HSD17B12: variants seen among roughly 807,000 people sequenced by gnomAD.
HSD17B12 encodes the protein hydroxysteroid 17-beta dehydrogenase 12.
HSD17B12 carries 32 observed loss-of-function variants against 39.3 expected under a neutral mutation model. The ratio of observed to expected loss-of-function variants is 0.81; its 90% CI spans 0.61 to 1.09. The LOEUF is 1.09. Among genes scored for constraint, HSD17B12 ranks in the 50% least tolerant of loss-of-function variants. The pLI is 0.00. For missense variants in HSD17B12, 342 were observed against 382.9 expected (o/e 0.89, Z 0.89); for synonymous variants, 150 against 146.7 (o/e 1.02, Z -0.16).
the HSD17B12 span, among the ~76,000 whole-genome samples, chr11:43,630,571 G>T: frequency 6.6e-6 from 1 of 152,136 alleles, no homozygotes; most frequent in Admixed American, 6.5e-5. Context: ...GTCCAGCAGT[G>T]AGGTATCTTG....
chr11:43,839,169 A>G (rs1041768744), intron 8 of HSD17B12, among the ~76,000 whole-genome samples: 4 of 152,138 alleles, frequency 2.6e-5, no homozygotes, highest in African/African-American at 9.7e-5. Flanking sequence ...AGAACTTGAA[A>G]CATTTCAGGG....
chr11:43,772,189 T>C (rs756923981), intron 3 of HSD17B12, among the ~76,000 whole-genome samples: 106 of 152,206 alleles, frequency 7.0e-4, no homozygotes, highest in Non-Finnish European at 1.3e-3. Flanking sequence ...TGAGGAGACA[T>C]AAAGTACATT....
Position 43,807,076 on chromosome 11 carries a change from T to G in HSD17B12, c.392-8361T>G, listed in dbSNP as rs549725836. ...TATTAACAAAGATCAGACAAAATGT[T>G]AACTGTACAGTACCTTTTCTTTCCT... On this transcript the variant is annotated intron_variant, in intron 4 of 10. Transcript: ENST00000278353. 2.3e-4 allele frequency among the ~76,000 whole-genome samples: 35 copies of G among 152,282 alleles called. 1 individual carries two copies. Among genetic ancestry groups the G allele is most frequent in the African/African-American group, 8.4e-4 (35 of 41,566 alleles).
At chr11:43,825,456 C>T (rs1311439261) in intron 6 of HSD17B12, among the ~76,000 whole-genome samples, 1 of 152,130 alleles carries the variant, frequency 6.6e-6, no homozygotes, top group East Asian at 1.9e-4. Flanking sequence ...TTTGAAAATC[C>T]ATGAGAACAG....
chr11:43,627,832 G>A, the HSD17B12 span, among the ~76,000 whole-genome samples: 13 of 151,696 alleles, frequency 8.6e-5, no homozygotes, highest in South Asian at 2.1e-4. Context: ...ATATTGGTCC[G>A]GAAGTTTCTG....
chr11:43,572,778 G>C, the HSD17B12 span, among the ~76,000 whole-genome samples: 55 of 152,288 alleles, frequency 3.6e-4, no homozygotes, highest in East Asian at 8.7e-3. Context: ...AAAACTATTG[G>C]TTTCTTCTCT....
intron 9 of HSD17B12, among the ~76,000 whole-genome samples, chr11:43,848,015 A>T (rs1000894589): frequency 6.6e-6 from 1 of 152,310 alleles, no homozygotes; most frequent in East Asian, 1.9e-4. Context: ...GGCTTCAAAG[A>T]ACTAGAAAGC....
At chr11:43,578,904 A>G in the HSD17B12 span, 1 of 152,134 alleles carries the variant, frequency 6.6e-6, no homozygotes, top group Admixed American at 6.5e-5. Flanking sequence ...ATCCTATTAA[A>G]TAATTCAATG....
intron 3 of HSD17B12, among the ~76,000 whole-genome samples, chr11:43,776,006 C>CATT (rs1950699560): frequency 6.6e-6 from 1 of 151,572 alleles, no homozygotes; most frequent in Admixed American, 6.6e-5. Flanking sequence ...TCCAGTCTAT[C>CATT]GTTGGACATT....
At chr11:43,695,315 G>A (rs1590666774) in intron 1 of HSD17B12, among the ~76,000 whole-genome samples, 1 of 151,714 alleles carries the variant, frequency 6.6e-6, no homozygotes, top group South Asian at 2.1e-4. Flanking sequence ...GTGGTGGCTC[G>A]TACATGTAAT....
chr11:43,635,554 G>A, the HSD17B12 span, among the ~76,000 whole-genome samples: 5 of 152,140 alleles, frequency 3.3e-5, no homozygotes, highest in Non-Finnish European at 7.3e-5. Context: ...TGAAATGTTT[G>A]GGGTTCTGAA....
upstream of HSD17B12, among the ~76,000 whole-genome samples, chr11:43,676,892 T>A (rs969033222): frequency 3.3e-5 from 5 of 152,168 alleles, no homozygotes; most frequent in South Asian, 1.0e-3. Flanking sequence ...GGACTGAATA[T>A]CTAGAGGGTG....
the HSD17B12 span, among the ~76,000 whole-genome samples, chr11:43,589,610 C>G: frequency 6.6e-6 from 1 of 152,178 alleles, no homozygotes; most frequent in Admixed American, 6.5e-5. Context: ...ATTGCTTCCA[C>G]TTGGTGACTT....
At position 43,856,178 on chromosome 11, in the gene HSD17B12, CAT is replaced by C. The variant is rs1951581824; in HGVS notation, c.*931_*932del. ...ATTGATATAATTAGTTTTAATAAAACATGCTGCAACCATGGTATACAACAAAA... is the reference window on the plus strand; with the variant it reads ...ATTGATATAATTAGTTTTAATAAAACGCTGCAACCATGGTATACAACAAAA... On this transcript the variant is annotated 3_prime_UTR_variant, in exon 11 of 11. Transcript: ENST00000278353. 2 of 152,148 alleles carry C rather than the reference CAT, an allele frequency of 1.3e-5. No individual in the cohort carries two copies. The allele number at this position is 152,148 out of a possible 1,614,324, so 9.4% of individuals were successfully genotyped here. A position where few individuals can be genotyped will look rare whatever the true frequency, so the allele number is the denominator to read the frequency against.
At chr11:43,603,992 T>C in the HSD17B12 span, among the ~76,000 whole-genome samples, 1 of 152,178 alleles carries the variant, frequency 6.6e-6, no homozygotes, top group East Asian at 1.9e-4. Flanking sequence ...TTAAAAATTG[T>C]GATGCTGTTT....
intron 3 of HSD17B12, among the ~76,000 whole-genome samples, chr11:43,771,945 CA>C (rs1041756293): frequency 6.6e-6 from 1 of 152,070 alleles, no homozygotes; most frequent in African/African-American, 2.4e-5. Context: ...AAGACAAAAC[CA>C]AAAACATTTG....
chr11:43,616,797 T>TAAAA, the HSD17B12 span, among the ~76,000 whole-genome samples: 1 of 59,708 alleles, frequency 1.7e-5, no homozygotes, highest in African/African-American at 7.1e-5. Context: ...GTGCCCAAAC[T>TAAAA]AAAAAAAAAA....
upstream of HSD17B12, among the ~76,000 whole-genome samples, chr11:43,675,831 G>T (rs964514427): frequency 3.9e-5 from 6 of 152,160 alleles, no homozygotes; most frequent in Admixed American, 2.0e-4. Context: ...CAAGGTTCAG[G>T]CCTGGCATGT....
intron 3 of HSD17B12, among the ~76,000 whole-genome samples, chr11:43,790,019 C>A (rs1036040799): frequency 1.3e-5 from 2 of 152,114 alleles, no homozygotes; most frequent in East Asian, 3.9e-4. Flanking sequence ...ATCTGAGATA[C>A]CATTGATCAT....
Sources: allele counts gnomAD v4.1 joint callset (sites outside exome capture counted in the v4.1 genomes callset), GRCh38; gene constraint gnomAD v4.1.1; transcripts MANE v1.5; gene names NCBI Gene and HGNC (gene_info 2026-07-23, HGNC 2026-07-21).